Variants in ASCC3 observed in about 807,000 individuals in gnomAD.
ASCC3 encodes activating signal cointegrator 1 complex subunit 3.
ASCC3 carries 158 observed loss-of-function variants against 256.3 expected under a neutral mutation model. That is an observed-to-expected ratio of 0.62 (90% confidence interval 0.54 to 0.70). The LOEUF (loss-of-function observed/expected upper bound fraction) is 0.70, where lower values mean the gene tolerates loss of function less well. ASCC3 is among the 30% of genes least tolerant of loss of function. The pLI, the probability that ASCC3 is intolerant of heterozygous loss-of-function variation, is 0.00. For synonymous variants in ASCC3, 948 were observed against 883.4 expected (o/e 1.07, Z -1.30); for missense variants, 2,259 against 2,626.0 (o/e 0.86, Z 3.05).
chr6:100,828,895 T>C (rs1352713515), intron 4 of ASCC3, among the ~76,000 whole-genome samples: 1 of 152,092 alleles, frequency 6.6e-6, no homozygotes, highest in Admixed American at 6.5e-5. Flanking sequence ...TTCTCTTATC[T>C]GGCCCCACCC....
At chr6:100,795,325 T>C (rs1177550443) in intron 8 of ASCC3, among the ~76,000 whole-genome samples, 2 of 146,914 alleles carry the variant, frequency 1.4e-5, no homozygotes, top group African/African-American at 5.0e-5. Flanking sequence ...TGAAAAATAA[T>C]AAGAGAAACA....
chr6:100,581,340 G>C (rs1339272638), intron 36 of ASCC3, among the ~76,000 whole-genome samples: 1 of 152,120 alleles, frequency 6.6e-6, no homozygotes, highest in African/African-American at 2.4e-5. Context: ...CAGTGATGGT[G>C]AGCATTTTTT....
chr6:100,810,517 C>G (rs1488597534), intron 4 of ASCC3, among the ~76,000 whole-genome samples: 5 of 152,052 alleles, frequency 3.3e-5, no homozygotes, highest in South Asian at 4.1e-4. Context: ...TATTTTCTTT[C>G]AAATTTTTAA....
chr6:100,585,233 T>C (rs943272931), intron 36 of ASCC3, among the ~76,000 whole-genome samples: 2 of 152,228 alleles, frequency 1.3e-5, no homozygotes, highest in African/African-American at 4.8e-5. Context: ...GACGCAGATT[T>C]GGTCTTTTCA....
chr6:100,528,544 A>G (rs1774711285), intron 37 of ASCC3, among the ~76,000 whole-genome samples: 1 of 152,206 alleles, frequency 6.6e-6, no homozygotes, highest in African/African-American at 2.4e-5. Flanking sequence ...GAGAAGAAAG[A>G]CTGGAAACTC....
intron 10 of ASCC3, among the ~76,000 whole-genome samples, chr6:100,748,919 G>C (rs981314958): frequency 1.3e-5 from 2 of 151,944 alleles, no homozygotes; most frequent in Non-Finnish European, 2.9e-5. Flanking sequence ...CAGCAGAAAA[G>C]ACAAAGAACA....
chr6:100,692,837 T>C (rs189828419), intron 13 of ASCC3, among the ~76,000 whole-genome samples: 85 of 152,214 alleles, frequency 5.6e-4, no homozygotes, highest in African/African-American at 1.8e-3. Context: ...GAGAACTTGA[T>C]GATGCTTTAG....
rs1393804521 is a variant in ASCC3, at chr6:100,516,177, T to C, written c.6075+3A>G. ...CTTCAAAACACTTAAGAGATGGTCT[T>C]ACCTGTTTCGTTTTTGCAGCATGTA... On this transcript the variant is annotated splice_donor_region_variant and intron_variant, in intron 39 of 41. Transcript: ENST00000369162. The C allele has an allele frequency of 1.2e-6, 2 of 1,613,506 alleles. No homozygotes were observed. Among genetic ancestry groups the C allele is most frequent in the African/African-American group, 2.7e-5 (2 of 74,882 alleles).
At chr6:100,800,632 A>G (rs1349236085) in intron 5 of ASCC3, 128 bp from the exon 6 acceptor site, 1 of 724,914 alleles carries the variant, frequency 1.4e-6, no homozygotes, top group African/African-American at 1.8e-5. Context: ...AAAGCTGGCA[A>G]ATTCAATTAT....
intron 5 of ASCC3, among the ~76,000 whole-genome samples, chr6:100,800,971 G>A (rs1769888728): frequency 6.6e-6 from 1 of 151,936 alleles, no homozygotes; most frequent in African/African-American, 2.4e-5. Flanking sequence ...TTACTACTTA[G>A]TTATTTATAG....
intron 4 of ASCC3, among the ~76,000 whole-genome samples, chr6:100,835,601 G>T (rs1427456862): frequency 6.6e-6 from 1 of 151,944 alleles, no homozygotes; most frequent in African/African-American, 2.4e-5. Context: ...ATTTATTTCT[G>T]CATTCTCTAT....
chr6:100,859,865 G>A (rs1773138110), intron 3 of ASCC3, among the ~76,000 whole-genome samples: 1 of 152,032 alleles, frequency 6.6e-6, no homozygotes, highest in African/African-American at 2.4e-5. Flanking sequence ...ATTTCTGGCT[G>A]AGTCTTGATT....
At chr6:100,840,773 A>G (rs1359256096) in intron 4 of ASCC3, among the ~76,000 whole-genome samples, 1 of 152,038 alleles carries the variant, frequency 6.6e-6, no homozygotes, top group Admixed American at 6.6e-5. Context: ...AAATATTTGC[A>G]GTGATTATGA....
At chr6:100,555,726 T>A (rs770316733) in intron 36 of ASCC3, among the ~76,000 whole-genome samples, 3 of 152,158 alleles carry the variant, frequency 2.0e-5, no homozygotes, top group Non-Finnish European at 4.4e-5. Context: ...TTTTAAGAAA[T>A]AAAAATCTCA....
Position 100,508,394 on chromosome 6 carries a change from C to T in ASCC3, c.*992G>A, listed in dbSNP as rs1479557129. Reference sequence around the variant, plus strand: ...TCCACTAGAATGCATATTATATGAACATTGAATTTTAACAAGTTTTTAGTT... The same window carrying T: ...TCCACTAGAATGCATATTATATGAATATTGAATTTTAACAAGTTTTTAGTT... On this transcript the variant is annotated 3_prime_UTR_variant, in exon 42 of 42. Transcript: ENST00000369162. 1 of 152,020 alleles carries T rather than the reference C, an allele frequency of 6.6e-6. No individual in the cohort carries two copies. The highest frequency in any genetic ancestry group is 1.5e-5 in the Non-Finnish European group (1 of 67,996). 9.4% of individuals were successfully genotyped at this position (152,020 alleles called of 1,614,324 possible). A position where few individuals can be genotyped will look rare whatever the true frequency, so the allele number is the denominator to read the frequency against.
intron 40 of ASCC3, among the ~76,000 whole-genome samples, chr6:100,511,916 C>T (rs561517051): frequency 9.1e-4 from 138 of 152,112 alleles, no homozygotes; most frequent in Non-Finnish European, 1.6e-3. Context: ...ACAGCTTCAC[C>T]CCTGAGGGCT....
At position 100,833,010 on chromosome 6, in the gene ASCC3, T is replaced by A. The variant is rs374158752; in HGVS notation, c.801+15138A>T. Among the ~76,000 whole-genome samples the A allele has an allele frequency of 2.4e-4, 36 of 152,132 alleles. No homozygotes were observed. The East Asian group carries it at 5.4e-3, about 23-fold the overall frequency. The stretch of plus-strand genomic sequence containing the variant: ...AAATATAAAGCTTAATTAATGAAAT[T>A]AAAAATCTTATTTTTAATTGCCAAA... On this transcript the variant is annotated intron_variant, in intron 4 of 41. Transcript: ENST00000369162.
At chr6:100,795,796 T>A (rs1251555138) in intron 8 of ASCC3, among the ~76,000 whole-genome samples, 1 of 152,140 alleles carries the variant, frequency 6.6e-6, no homozygotes, top group African/African-American at 2.4e-5. Context: ...GCAATTATGA[T>A]CTCAGTGAAA....
Position 100,706,889 on chromosome 6 carries a change from CTCT to C in ASCC3, c.2151+8570_2151+8572del, listed in dbSNP as rs144478290. Among the ~76,000 whole-genome samples, 391 of 152,148 alleles carry C rather than the reference CTCT, an allele frequency of 2.6e-3. 2 individuals carry two copies. Among genetic ancestry groups the C allele is most frequent in the African/African-American group, 9.0e-3 (374 of 41,548 alleles). Reference sequence around the variant, plus strand: ...GTTCTTCACTTATGTTGCAAAAGGGCTCTTAAGTTGAGATGATTGCATTAATGT... The same window carrying C: ...GTTCTTCACTTATGTTGCAAAAGGGCTAAGTTGAGATGATTGCATTAATGT... On this transcript the variant is annotated intron_variant, in intron 13 of 41. Transcript: ENST00000369162.
Sources: gnomAD v4.1 joint callset for allele counts (sites outside exome capture counted in the v4.1 genomes callset) on GRCh38, gnomAD v4.1.1 for gene constraint, MANE v1.5 for transcripts, NCBI Gene and HGNC (gene_info 2026-07-23, HGNC 2026-07-21) for gene names.